Variants in PTPRE observed in about 807,000 individuals in gnomAD.
PTPRE encodes the protein protein tyrosine phosphatase receptor type E.
In PTPRE, 51 loss-of-function variants were observed where a neutral mutation model predicts 102.0. That is an observed-to-expected ratio of 0.50 (90% CI 0.40 to 0.63). The LOEUF (loss-of-function observed/expected upper bound fraction) is 0.63. Among genes scored for constraint, PTPRE ranks in the 30% least tolerant of loss-of-function variants. The pLI, the probability that PTPRE is intolerant of heterozygous loss-of-function variation, is 0.00. For missense variants in PTPRE, 752 were observed against 915.1 expected (o/e 0.82, Z 2.30); for synonymous variants, 345 against 348.2 (o/e 0.99, Z 0.10).
rs1847387123 is a variant in PTPRE at position 127,930,913 on chromosome 10, C to T, written c.-31+23604C>T. On this transcript the variant is annotated intron_variant, in intron 1 of 20. Transcript: ENST00000254667. ...ATTCAAGCGATTCTCCTGCCTCAGCCTCCCACGTAGCTGGGATTACGAGCG... is the reference window on the plus strand; with the variant it reads ...ATTCAAGCGATTCTCCTGCCTCAGCTTCCCACGTAGCTGGGATTACGAGCG... Among the ~76,000 whole-genome samples, 5 of 152,102 alleles carry T rather than the reference C, an allele frequency of 3.3e-5. No homozygotes were observed. The South Asian group carries it at 1.0e-3, about 32-fold the overall frequency.
At chr10:128,053,322 T>G (rs759085290) in intron 6 of PTPRE, among the ~76,000 whole-genome samples, 5 of 152,042 alleles carry the variant, frequency 3.3e-5, no homozygotes, top group Non-Finnish European at 7.4e-5. Context: ...CACAAACAAT[T>G]TGGACAATTT....
intron 1 of PTPRE, among the ~76,000 whole-genome samples, chr10:127,980,189 C>T (rs1360682430): frequency 6.6e-6 from 1 of 152,206 alleles, no homozygotes; most frequent in Non-Finnish European, 1.5e-5. Flanking sequence ...ATACTGGGTT[C>T]CACTGCACCC....
Position 128,070,689 on chromosome 10 carries a change from G to T in PTPRE, c.1294-119G>T. On this transcript the variant is annotated intron_variant, in intron 14 of 20. Transcript: ENST00000254667. This position sits in a 1 kb window ranked among gnomAD's most constrained non-coding sequence, Gnocchi z 4.8. ...TTCCCAATGCTAAGGAGGCTTCCTG[G>T]GTTGGAGAGTGGTTTCCTTTGAGCA... 1.6e-6 allele frequency: 2 copies of T among 1,233,524 alleles called. No homozygotes were observed. Among genetic ancestry groups the T allele is most frequent in the Non-Finnish European group, 2.3e-6 (2 of 879,750 alleles). The allele number at this position is 1,233,524 out of a possible 1,614,324, so 76.4% of individuals were successfully genotyped here. A position where few individuals can be genotyped will look rare whatever the true frequency, so the allele number is the denominator to read the frequency against.
rs566284336 is a variant in PTPRE, at chr10:127,947,112, G to T, written c.-30-35162G>T. 5.9e-5 allele frequency among the ~76,000 whole-genome samples: 9 copies of T among 152,018 alleles called. No individual in the cohort carries two copies. The South Asian group carries it at 1.7e-3, about 28-fold the overall frequency. On this transcript the variant is annotated intron_variant, in intron 1 of 20. Coordinates refer to ENST00000254667, the MANE Select transcript of PTPRE (RefSeq NM_006504.6). ...AGACACAGAGAAGGGTTTACGCCAT[G>T]GGACAGCCACGAAAATGTGATAGCA... is the stretch of plus-strand genomic sequence containing the variant.
chr10:127,983,721 C>A (rs1199947900), intron 2 of PTPRE, among the ~76,000 whole-genome samples: 4 of 152,134 alleles, frequency 2.6e-5, no homozygotes, highest in African/African-American at 9.7e-5. Flanking sequence ...GACCTTTGCA[C>A]CCCTTGTCTC....
At chr10:127,991,831 C>T (rs935311570) in intron 2 of PTPRE, among the ~76,000 whole-genome samples, 5 of 152,268 alleles carry the variant, frequency 3.3e-5, no homozygotes, top group Admixed American at 6.5e-5. Context: ...AGAATAGCAC[C>T]GGAGGTACTT....
chr10:128,019,633 C>CCATCCATCCACCCATT (rs577601998), intron 2 of PTPRE, among the ~76,000 whole-genome samples: 4 of 147,354 alleles, frequency 2.7e-5, no homozygotes, highest in South Asian at 2.1e-4. Flanking sequence ...CTATGTCAGC[C>CCATCCATCCACCCATT]CATTCATTCA....
At chr10:128,053,063 A>G (rs1025208773) in intron 6 of PTPRE, among the ~76,000 whole-genome samples, 1 of 152,150 alleles carries the variant, frequency 6.6e-6, no homozygotes, top group Non-Finnish European at 1.5e-5. Flanking sequence ...AGCCTGTCCA[A>G]CATGGTGAAA....
In PTPRE at chr10:127,944,678, G is replaced by T. The variant is rs1156724819; in HGVS notation, c.-31+37369G>T. ...AAGGTCATTTGAGGAGATTGAGCAG[G>T]AGAGTGACAAATGGAACTGTGTATT... is the stretch of plus-strand genomic sequence containing the variant. On this transcript the variant is annotated intron_variant, in intron 1 of 20. Coordinates refer to ENST00000254667, the MANE Select transcript of PTPRE (RefSeq NM_006504.6). This position sits in a 1 kb window ranked among gnomAD's most constrained non-coding sequence, Gnocchi z 4.2. 6.6e-6 allele frequency among the ~76,000 whole-genome samples: 1 copy of T among 152,206 alleles called. No homozygotes were observed. The highest frequency in any genetic ancestry group is 2.4e-5 in the African/African-American group (1 of 41,442).
At chr10:127,972,052 G>T (rs149042257) in intron 1 of PTPRE, among the ~76,000 whole-genome samples, 1 of 152,334 alleles carries the variant, frequency 6.6e-6, no homozygotes, top group African/African-American at 2.4e-5. Flanking sequence ...TGGTATTTCA[G>T]CATCCTAGGC....
At chr10:127,991,999 C>T (rs1056750586) in intron 2 of PTPRE, among the ~76,000 whole-genome samples, 1 of 152,118 alleles carries the variant, frequency 6.6e-6, no homozygotes, top group Non-Finnish European at 1.5e-5. Flanking sequence ...GAGCACTGAC[C>T]AGTGAGCCCA....
rs778507340 is a variant in PTPRE, at chr10:127,907,607, G to A, written c.-31+298G>A. 6.6e-5 allele frequency among the ~76,000 whole-genome samples: 10 copies of A among 152,154 alleles called. No homozygotes were observed. The highest frequency in any genetic ancestry group is 9.7e-5 in the African/African-American group (4 of 41,442). ...CTCTCGGTAAACAGGAGGAGGGCGCGCGTGTCTGCGGGTGGCTACAGTGCG... is the reference window on the plus strand; with the variant it reads ...CTCTCGGTAAACAGGAGGAGGGCGCACGTGTCTGCGGGTGGCTACAGTGCG... On this transcript the variant is annotated intron_variant, in intron 1 of 20. Coordinates refer to ENST00000254667, the MANE Select transcript of PTPRE (RefSeq NM_006504.6). The surrounding 1 kb of genome is among the most constrained non-coding windows in gnomAD (Gnocchi z 4.8).
Position 128,072,145 on chromosome 10 carries a change from C to T in PTPRE, c.1395C>T (p.Phe465=), listed in dbSNP as rs1188677425. 1 of 1,613,688 alleles carries T rather than the reference C, an allele frequency of 6.2e-7. No individual in the cohort carries two copies. Among genetic ancestry groups the T allele is most frequent in the Non-Finnish European group, 8.5e-7 (1 of 1,179,832 alleles). The part of the protein sequence containing the change: ...ARVIQIIPYD[F]NRVILSMKRG... The stretch of plus-strand genomic sequence containing the variant: ...GAAGATAATGCTTTGCAGATGACTT[C>T]AACCGAGTGATCCTTTCCATGAAAA... The change falls in exon 16 of 21, where the codon TTC becomes TTT. Residue 465 remains phenylalanine (F), a synonymous_variant. Transcript: ENST00000254667.
intron 5 of PTPRE, among the ~76,000 whole-genome samples, chr10:128,048,155 C>T (rs1171548817): frequency 1.3e-5 from 2 of 152,090 alleles, no homozygotes; most frequent in Non-Finnish European, 2.9e-5. Flanking sequence ...CAATCATTCT[C>T]AGATAAGACT....
At chr10:127,950,893 G>A (rs1190992948) in intron 1 of PTPRE, among the ~76,000 whole-genome samples, 7 of 150,774 alleles carry the variant, frequency 4.6e-5, no homozygotes, top group African/African-American at 1.5e-4. Context: ...TCAGGAGATA[G>A]AGACCATCCT....
intron 1 of PTPRE, among the ~76,000 whole-genome samples, chr10:127,945,167 T>C (rs1848538868): frequency 1.3e-5 from 2 of 152,144 alleles, no homozygotes; most frequent in South Asian, 4.1e-4. Context: ...CAGTACCTGG[T>C]TGGTTTTCGA....
intron 17 of PTPRE, among the ~76,000 whole-genome samples, chr10:128,074,199 G>A (rs1382621199): frequency 6.6e-6 from 1 of 152,086 alleles, no homozygotes; most frequent in Non-Finnish European, 1.5e-5. Context: ...TCCGTGATTG[G>A]GTTCTTTCAC....
intron 2 of PTPRE, among the ~76,000 whole-genome samples, chr10:128,001,228 A>G (rs1390359014): frequency 1.3e-5 from 2 of 151,954 alleles, no homozygotes; most frequent in Non-Finnish European, 2.9e-5. Context: ...GTGTGTGTGT[A>G]CTATGTGTGG....
At chr10:128,078,939 C>T (rs1426458618) in intron 19 of PTPRE, among the ~76,000 whole-genome samples, 1 of 152,224 alleles carries the variant, frequency 6.6e-6, no homozygotes, top group Non-Finnish European at 1.5e-5. Context: ...CCACCTCCTC[C>T]AGCCCAGTAC....
Sources: allele counts gnomAD v4.1 joint callset (sites outside exome capture counted in the v4.1 genomes callset), GRCh38; gene constraint gnomAD v4.1.1; non-coding constraint Gnocchi (gnomAD v3.1); transcripts MANE v1.5; gene names NCBI Gene and HGNC (gene_info 2026-07-23, HGNC 2026-07-21).